METTL6: variants seen among roughly 807,000 people sequenced by gnomAD.
The protein encoded by METTL6 is methyltransferase 6, tRNA N3-cytidine, also known as tRNA N(3)-cytidine methyltransferase METTL6.
Under a neutral mutation model 26.4 loss-of-function variants are expected in METTL6, and 22 were observed. The observed-to-expected ratio is 0.83, with a 90% confidence interval of 0.59 to 1.19. The LOEUF (loss-of-function observed/expected upper bound fraction) is 1.19, where lower values mean the gene tolerates loss of function less well. Among genes scored for constraint, METTL6 ranks in the 50% most tolerant of loss-of-function variants. The pLI is 0.00. For missense variants in METTL6, 304 were observed against 324.8 expected (o/e 0.94, Z 0.49); for synonymous variants, 109 against 116.2 (o/e 0.94, Z 0.40).
intron 6 of METTL6, among the ~76,000 whole-genome samples, chr3:15,390,003 A>C (rs1167764800): frequency 1.3e-5 from 2 of 151,960 alleles, no homozygotes; most frequent in Non-Finnish European, 2.9e-5. Flanking sequence ...TGACACAGTA[A>C]GACTCCATCT....
At chr3:15,414,418 TA>T in intron 4 of METTL6, 1 of 1,013,118 alleles carries the variant, frequency 9.9e-7, no homozygotes, top group Non-Finnish European at 1.2e-6. Context: ...TGCAGTGGCA[TA>T]ATCTCAGCTC....
At chr3:15,387,816 A>ATT (rs35113760) in intron 6 of METTL6, among the ~76,000 whole-genome samples, 147 of 146,614 alleles carry the variant, frequency 1.0e-3, no homozygotes, top group Non-Finnish European at 1.4e-3. Context: ...TGAAAAAAAG[A>ATT]TTTTTTTTTT....
At chr3:15,405,662 C>T (rs1699764849), downstream of METTL6, among the ~76,000 whole-genome samples, 1 of 152,188 alleles carries the variant, frequency 6.6e-6, no homozygotes, top group Non-Finnish European at 1.5e-5. Context: ...CTTACAAGGA[C>T]CCCAAGATTA....
chr3:15,420,455 G>A (rs2061586852), intron 3 of METTL6, among the ~76,000 whole-genome samples: 4 of 152,134 alleles, frequency 2.6e-5, no homozygotes, highest in Admixed American at 1.3e-4. Context: ...AAAATTCACT[G>A]AAATATTACC....
At chr3:15,399,510 A>T (rs1037113063) in intron 6 of METTL6, 10 of 151,228 alleles carry the variant, frequency 6.6e-5, no homozygotes, top group African/African-American at 2.4e-4. Flanking sequence ...TGTCTCACAG[A>T]AAGAAAAAGA....
chr3:15,408,759 T>C (rs1336999541), downstream of METTL6, among the ~76,000 whole-genome samples: 1 of 151,926 alleles, frequency 6.6e-6, no homozygotes, highest in African/African-American at 2.4e-5. Flanking sequence ...ATTTTTTTCA[T>C]AGAGATGGGG....
chr3:15,390,779 AC>A (rs1201834217), intron 6 of METTL6, among the ~76,000 whole-genome samples: 1 of 152,198 alleles, frequency 6.6e-6, no homozygotes, highest in Non-Finnish European at 1.5e-5. Context: ...CCCTCTCAAC[AC>A]CCAGGTTCTT....
downstream of METTL6, among the ~76,000 whole-genome samples, chr3:15,406,160 CACT>C (rs927155117): frequency 1.3e-4 from 19 of 151,898 alleles, no homozygotes; most frequent in African/African-American, 4.4e-4. Context: ...AGCCAGTACT[CACT>C]ACGTTTCCGG....
intron 3 of METTL6, among the ~76,000 whole-genome samples, chr3:15,424,457 A>AG (rs2061675849): frequency 6.6e-6 from 1 of 152,082 alleles, no homozygotes; most frequent in Non-Finnish European, 1.5e-5. Context: ...GGTAGAGACA[A>AG]GGTTTCACCA....
At chr3:15,415,716 G>GT in intron 4 of METTL6, 56 bp downstream of exon 4, 1 of 1,598,712 alleles carries the variant, frequency 6.3e-7, no homozygotes, top group Admixed American at 1.7e-5. Context: ...ATGAGGGAAG[G>GT]TAAGTAAAAG....
At chr3:15,391,655 C>G (rs13079290) in intron 6 of METTL6, among the ~76,000 whole-genome samples, 30,844 of 119,136 alleles carry the variant, frequency 0.26, 4,189 homozygotes, top group East Asian at 0.32. Flanking sequence ...CCCCTCCCCC[C>G]ACCCCACAAT....
chr3:15,416,084 A>G (rs534693163), intron 3 of METTL6, 142 bp from the exon 4 acceptor site: 3 of 686,882 alleles, frequency 4.4e-6, no homozygotes, highest in East Asian at 2.8e-5. Flanking sequence ...TGATTAATAA[A>G]TCACTCACTA....
intron 6 of METTL6, among the ~76,000 whole-genome samples, chr3:15,398,464 G>A (rs983929500): frequency 6.6e-6 from 1 of 152,214 alleles, no homozygotes; most frequent in Middle Eastern, 3.2e-3. Context: ...AAAGTGCTGG[G>A]ATTACAGGCA....
chr3:15,382,420 C>G (rs192738958), exon 7 of METTL6: 12 of 152,436 alleles, frequency 7.9e-5, no homozygotes, highest in Non-Finnish European at 1.6e-4. Context: ...TGCCTGTAAT[C>G]CCAGCACTTT....
chr3:15,414,548 T>G (rs1371857697), intron 4 of METTL6: 5 of 269,428 alleles, frequency 1.9e-5, no homozygotes, highest in Non-Finnish European at 3.5e-5. Context: ...AGAGATGAGG[T>G]TTCACCATGT....
chr3:15,384,385 C>A, intron 6 of METTL6: 1 of 174,280 alleles, frequency 5.7e-6, no homozygotes, highest in Non-Finnish European at 1.2e-5. Context: ...AAGATAGAGA[C>A]CAAAACAGGA....
chr3:15,427,352 C>T (rs2125058784), intron 1 of METTL6, 50 bp downstream of exon 1: 1 of 230,552 alleles, frequency 4.3e-6, no homozygotes, highest in Non-Finnish European at 8.9e-6. Flanking sequence ...CAGGGCTCAC[C>T]GTCATCAGTT....
At chr3:15,412,257 A>G (rs754547852) in intron 5 of METTL6, among the ~76,000 whole-genome samples, 2 of 152,172 alleles carry the variant, frequency 1.3e-5, no homozygotes, top group Non-Finnish European at 2.9e-5. Flanking sequence ...AGCTCCAGGA[A>G]AATCTAACCC....
chr3:15,387,673 T>A (rs2124891469), intron 6 of METTL6, among the ~76,000 whole-genome samples: 1 of 152,298 alleles, frequency 6.6e-6, no homozygotes, highest in African/African-American at 2.4e-5. Flanking sequence ...GGGGCCCAAA[T>A]ACTTATATAG....
Sources: gnomAD v4.1 joint callset for allele counts (sites outside exome capture counted in the v4.1 genomes callset) on GRCh38, gnomAD v4.1.1 for gene constraint, MANE v1.5 for transcripts, NCBI Gene and HGNC (gene_info 2026-07-23, HGNC 2026-07-21) for gene names.